MAST4: variants seen among roughly 807,000 people sequenced by gnomAD.
MAST4 encodes microtubule associated serine/threonine kinase family member 4.
A neutral mutation model predicts 162.7 loss-of-function variants in MAST4; 89 were observed. The ratio of observed to expected loss-of-function variants is 0.55; its 90% CI spans 0.46 to 0.65. The LOEUF is 0.65. Among genes scored for constraint, MAST4 ranks in the 30% least tolerant of loss-of-function variants. MAST4 has a pLI of 0.00. For synonymous variants in MAST4, 1,479 were observed against 1,361.1 expected (o/e 1.09, Z -1.91); for missense variants, 3,153 against 3,374.0 (o/e 0.93, Z 1.62).
Position 66,907,158 on chromosome 5 carries a change from C to CAAGAGAGAGA in MAST4, c.674+7176_674+7177insAAGAGAGAGA, listed in dbSNP as rs1554066737. ...AAAGGAAAAATAACTCTCAGCAAAG[C>CAAGAGAGAGA]GAGAGAGAGAGAGAGAGAGAGAGAG... On this transcript the variant is annotated intron_variant, in intron 4 of 28. Coordinates refer to ENST00000403625, the MANE Select transcript of MAST4 (RefSeq NM_001164664.2). 9.1e-4 allele frequency among the ~76,000 whole-genome samples: 95 copies of CAAGAGAGAGA among 104,346 alleles called. 1 individual carries two copies. Among genetic ancestry groups the CAAGAGAGAGA allele is most frequent in the South Asian group, 7.1e-3 (19 of 2,690 alleles). 68.5% of individuals were successfully genotyped at this position (104,346 alleles called of 152,430 possible). A position where few individuals can be genotyped will look rare whatever the true frequency, so the allele number is the denominator to read the frequency against.
intron 1 of MAST4, 69 bp downstream of exon 1, chr5:66,597,087 C>T (rs1742230606): frequency 1.7e-5 from 22 of 1,332,092 alleles, no homozygotes; most frequent in Non-Finnish European, 2.0e-5. Flanking sequence ...CCATCCTGCG[C>T]ACAGGCAGTG....
intron 1 of MAST4, among the ~76,000 whole-genome samples, chr5:66,681,621 C>T (rs534722889): frequency 6.6e-6 from 1 of 152,346 alleles, no homozygotes; most frequent in East Asian, 1.9e-4. Flanking sequence ...CAGGCTTCTT[C>T]CTGAATGTGC....
rs747438348 is a variant in MAST4, at chr5:67,152,885, G to C, written c.3525+19G>C. ...CGTCTGGGTAAGACCTGCATGTCTCGCACTTGGGATTTTTCATTTCCAGCC... is the reference window on the plus strand; with the variant it reads ...CGTCTGGGTAAGACCTGCATGTCTCCCACTTGGGATTTTTCATTTCCAGCC... On this transcript the variant is annotated intron_variant, in intron 25 of 28. Coordinates refer to ENST00000403625, the MANE Select transcript of MAST4 (RefSeq NM_001164664.2). 4 of 1,587,448 alleles carry C rather than the reference G, an allele frequency of 2.5e-6. No individual in the cohort carries two copies. Among genetic ancestry groups the C allele is most frequent in the Non-Finnish European group, 3.5e-6 (4 of 1,157,898 alleles).
At chr5:66,986,572 T>G (rs1749522616) in intron 4 of MAST4, 3 of 666,386 alleles carry the variant, frequency 4.5e-6, no homozygotes, top group African/African-American at 2.0e-5. Flanking sequence ...TATAGACATA[T>G]ATATATTAAA....
intron 12 of MAST4, 200 bp downstream of exon 12, chr5:67,114,419 G>A (rs1766636434): frequency 3.5e-6 from 2 of 566,756 alleles, no homozygotes; most frequent in Non-Finnish European, 5.9e-6. Context: ...CCCATTTTGT[G>A]TCTACCTAGA....
chr5:66,955,614 A>C (rs188461549), intron 4 of MAST4, among the ~76,000 whole-genome samples: 134 of 152,286 alleles, frequency 8.8e-4, no homozygotes, highest in African/African-American at 3.1e-3. Context: ...TTAATTTTAT[A>C]TACTCTTACT....
chr5:67,106,163 G>A (rs1051904759), intron 10 of MAST4, among the ~76,000 whole-genome samples: 1 of 151,856 alleles, frequency 6.6e-6, no homozygotes, highest in African/African-American at 2.4e-5. Context: ...CTCATCTTTA[G>A]TCTACTCCTC....
At chr5:66,976,411 T>G (rs1581079077) in intron 4 of MAST4, among the ~76,000 whole-genome samples, 1 of 152,362 alleles carries the variant, frequency 6.6e-6, no homozygotes, top group East Asian at 1.9e-4. Context: ...AACAGTCATT[T>G]TGCTTCTGTG....
intron 4 of MAST4, among the ~76,000 whole-genome samples, chr5:66,905,077 A>G (rs899983068): frequency 6.6e-6 from 1 of 152,096 alleles, no homozygotes; most frequent in Non-Finnish European, 1.5e-5. Flanking sequence ...AGGCCAAGGC[A>G]GGTGGATCAT....
At chr5:66,762,418 G>A (rs1449087486) in intron 2 of MAST4, among the ~76,000 whole-genome samples, 1 of 152,200 alleles carries the variant, frequency 6.6e-6, no homozygotes, top group Non-Finnish European at 1.5e-5. Flanking sequence ...GCAGCTGTTA[G>A]TATTATGTGC....
chr5:66,928,032 A>G (rs1159396788), intron 4 of MAST4, among the ~76,000 whole-genome samples: 1 of 152,146 alleles, frequency 6.6e-6, no homozygotes, highest in East Asian at 1.9e-4. Context: ...ACTTTTTTAT[A>G]AGGACACAGT....
intron 1 of MAST4, among the ~76,000 whole-genome samples, chr5:66,729,554 C>T (rs113100163): frequency 0.022 from 3,342 of 152,226 alleles, 71 homozygotes; most frequent in Middle Eastern, 0.051. Flanking sequence ...TAATCATTCT[C>T]TATTGATTTA....
At chr5:66,829,909 G>T (rs969535553) in intron 3 of MAST4, among the ~76,000 whole-genome samples, 1 of 152,140 alleles carries the variant, frequency 6.6e-6, no homozygotes, top group African/African-American at 2.4e-5. Context: ...GATTAGAGAA[G>T]TTGGGGTTAC....
At chr5:66,621,680 G>A (rs898670555) in intron 1 of MAST4, among the ~76,000 whole-genome samples, 2 of 151,998 alleles carry the variant, frequency 1.3e-5, no homozygotes, top group Non-Finnish European at 2.9e-5. Context: ...TCATTCCTCC[G>A]TCTACCCAAC....
At chr5:66,644,266 G>A (rs1377468760) in intron 1 of MAST4, among the ~76,000 whole-genome samples, 1 of 152,044 alleles carries the variant, frequency 6.6e-6, no homozygotes, top group African/African-American at 2.4e-5. Flanking sequence ...TTACTTACCA[G>A]TCCTTCATTT....
At chr5:66,742,758 C>A (rs1463363104) in intron 1 of MAST4, among the ~76,000 whole-genome samples, 1 of 152,124 alleles carries the variant, frequency 6.6e-6, no homozygotes, top group Non-Finnish European at 1.5e-5. Context: ...GGAGAGTTTT[C>A]TTCTGGCAAG....
rs1273935491 is a variant in MAST4 at position 67,163,200 on chromosome 5, G to T, written c.4021G>T (p.Ala1341Ser). ...TAGTTCTAGTGCCCCCAATTCCCCA[G>T]CAGGGTCCGGGCACATCCGGCCCAG... is the stretch of plus-strand genomic sequence containing the variant. ...SPSSSAPNSP[A>S]GSGHIRPSTL... The change falls in exon 29 of 29, where the codon GCA becomes TCA. Residue 1341 changes from alanine to serine, a missense_variant. Coordinates refer to ENST00000403625, the MANE Select transcript of MAST4 (RefSeq NM_001164664.2). The surrounding 1 kb of genome is among the most constrained non-coding windows in gnomAD (Gnocchi z 7.0). The T allele has an allele frequency of 1.2e-6, 2 of 1,612,974 alleles. No individual in the cohort carries two copies. Among genetic ancestry groups the T allele is most frequent in the Non-Finnish European group, 1.7e-6 (2 of 1,179,246 alleles).
At chr5:66,993,922 C>G (rs1750320425) in intron 4 of MAST4, among the ~76,000 whole-genome samples, 1 of 80,106 alleles carries the variant, frequency 1.2e-5, no homozygotes, top group African/African-American at 5.2e-5. Flanking sequence ...TGCAGAAGAC[C>G]CCCCCCCCCA....
intron 3 of MAST4, among the ~76,000 whole-genome samples, chr5:66,892,677 G>T (rs1362050094): frequency 6.6e-6 from 1 of 151,988 alleles, no homozygotes; most frequent in Non-Finnish European, 1.5e-5. Flanking sequence ...AGCCCTCCCT[G>T]CTCGTGTATT....
Sources: allele counts gnomAD v4.1 joint callset (sites outside exome capture counted in the v4.1 genomes callset), GRCh38; gene constraint gnomAD v4.1.1; non-coding constraint Gnocchi (gnomAD v3.1); transcripts MANE v1.5; gene names NCBI Gene and HGNC (gene_info 2026-07-23, HGNC 2026-07-21).